Variants in BCAS3 observed in about 807,000 individuals in gnomAD.
BCAS3 encodes BCAS3 microtubule associated cell migration factor, also known as BCAS4/BCAS3 fusion.
Under a neutral mutation model 116.1 loss-of-function variants are expected in BCAS3, and 53 were observed. The ratio of observed to expected loss-of-function variants is 0.46; its 90% CI spans 0.37 to 0.57. BCAS3 has a LOEUF of 0.57. Ranked by LOEUF, BCAS3 falls within the 20% of genes least tolerant of loss-of-function variation. BCAS3 has a pLI of 0.00. For synonymous variants in BCAS3, 391 were observed against 408.2 expected (o/e 0.96, Z 0.51); for missense variants, 917 against 1,165.4 (o/e 0.79, Z 3.10).
At position 61,357,264 on chromosome 17, in the gene BCAS3, A is replaced by AT. The variant is rs1488995564; in HGVS notation, c.2426-11062dup. On this transcript the variant is annotated intron_variant, in intron 22 of 23. Transcript: ENST00000407086. The stretch of plus-strand genomic sequence containing the variant: ...CTACAAAAAATAAATAAATAAATAA[A>AT]TAAATTAATTAATTAAATAAATAAA... 1.4e-4 allele frequency among the ~76,000 whole-genome samples: 8 copies of AT among 58,346 alleles called. No individual in the cohort carries two copies. In the South Asian group the frequency reaches 5.0e-3, roughly 36 times the overall value. The allele number at this position is 58,346 out of a possible 152,430, so 38.3% of individuals were successfully genotyped here. A position where few individuals can be genotyped will look rare whatever the true frequency, so the allele number is the denominator to read the frequency against.
Position 61,388,699 on chromosome 17 carries a change from A to C in BCAS3, c.2594-3278A>C. ...AACAGTAACAAAGCATGCGTTCGGG[A>C]TGGAGGAAGGTAAGGCCACACGTTT... On this transcript the variant is annotated intron_variant, in intron 23 of 23. Coordinates refer to ENST00000407086, the MANE Select transcript of BCAS3 (RefSeq NM_017679.5). The surrounding 1 kb of genome is among the most constrained non-coding windows in gnomAD (Gnocchi z 6.5). 6.5e-7 allele frequency: 1 copy of C among 1,549,574 alleles called. No homozygotes were observed. Among genetic ancestry groups the C allele is most frequent in the Non-Finnish European group, 8.7e-7 (1 of 1,155,580 alleles).
intron 10 of BCAS3, chr17:60,899,917 G>T: frequency 6.6e-6 from 1 of 152,564 alleles, no homozygotes; most frequent in Non-Finnish European, 1.5e-5. Flanking sequence ...TGTGCCTGTA[G>T]TTCCAGCTAC....
chr17:61,117,328 C>T (rs1372458951), intron 22 of BCAS3, among the ~76,000 whole-genome samples: 2 of 152,232 alleles, frequency 1.3e-5, no homozygotes, highest in Non-Finnish European at 2.9e-5. Flanking sequence ...TATGATGGCT[C>T]ACACTTGTAA....
rs888142876 is a variant in BCAS3 at position 61,235,179 on chromosome 17, G to A, written c.2426-133148G>A. Among the ~76,000 whole-genome samples, 9 of 152,208 alleles carry A rather than the reference G, an allele frequency of 5.9e-5. No individual in the cohort carries two copies. Among genetic ancestry groups the A allele is most frequent in the Non-Finnish European group, 1.2e-4 (8 of 68,008 alleles). ...TGGGATTATAGGCGTGAACCACCAC[G>A]CCTGGCTGTCTGCCCCCCGCCTGTC... On this transcript the variant is annotated intron_variant, in intron 22 of 23. Transcript: ENST00000407086. The surrounding 1 kb of genome is among the most constrained non-coding windows in gnomAD (Gnocchi z 5.0).
rs2076917403 is a variant in BCAS3 at position 61,141,557 on chromosome 17, C to T, written c.2425+56993C>T. Among the ~76,000 whole-genome samples, 1 of 150,822 alleles carries T rather than the reference C, an allele frequency of 6.6e-6. No homozygotes were observed. Among genetic ancestry groups the T allele is most frequent in the Non-Finnish European group, 1.5e-5 (1 of 67,692 alleles). ...TGGGCGGCAGAGCGAGACCCTGTCT[C>T]AAAAAATAAAATAAAAGTTGAATCA... is the stretch of plus-strand genomic sequence containing the variant. On this transcript the variant is annotated intron_variant, in intron 22 of 23. Transcript: ENST00000407086. The surrounding 1 kb of genome is among the most constrained non-coding windows in gnomAD (Gnocchi z 4.3).
chr17:60,934,755 T>A (rs565233238), intron 13 of BCAS3, among the ~76,000 whole-genome samples: 3 of 152,214 alleles, frequency 2.0e-5, no homozygotes, highest in Admixed American at 6.5e-5. Context: ...CCCAAAGATA[T>A]ATATTCATTT....
chr17:60,897,674 C>T (rs924462690), intron 10 of BCAS3, among the ~76,000 whole-genome samples: 1 of 151,728 alleles, frequency 6.6e-6, no homozygotes, highest in African/African-American at 2.4e-5. Flanking sequence ...TGAGATTCTC[C>T]CTTTTGCCTG....
intron 19 of BCAS3, among the ~76,000 whole-genome samples, chr17:61,043,439 G>A (rs1183727553): frequency 2.6e-5 from 4 of 151,998 alleles, no homozygotes; most frequent in Non-Finnish European, 5.9e-5. Flanking sequence ...GAATACAGCA[G>A]GTCCTTGAAT....
intron 22 of BCAS3, among the ~76,000 whole-genome samples, chr17:61,331,863 C>G (rs1421308827): frequency 6.6e-6 from 1 of 152,082 alleles, no homozygotes; most frequent in Non-Finnish European, 1.5e-5. Flanking sequence ...GATGACCTGC[C>G]TGAATCCTCA....
chr17:60,771,954 A>G (rs1457209521), intron 6 of BCAS3, among the ~76,000 whole-genome samples: 1 of 152,150 alleles, frequency 6.6e-6, no homozygotes, highest in African/African-American at 2.4e-5. Context: ...CCAGTCTATC[A>G]TTGATGGACA....
chr17:60,911,531 C>T lies in BCAS3; in HGVS notation c.993+829C>T, dbSNP rs142751000. Among the ~76,000 whole-genome samples, 1,089 of 152,292 alleles carry T rather than the reference C, an allele frequency of 7.2e-3. 9 individuals carry two copies. The highest frequency in any genetic ancestry group is 0.024 in the Middle Eastern group (7 of 294). Reference sequence around the variant, plus strand: ...CAGGCTGGTCTCGGACTCCTGACCTCAAGTGATCTGTCCGCCTTGGCCTCC... The same window carrying T: ...CAGGCTGGTCTCGGACTCCTGACCTTAAGTGATCTGTCCGCCTTGGCCTCC... On this transcript the variant is annotated intron_variant, in intron 12 of 23. Coordinates refer to ENST00000407086, the MANE Select transcript of BCAS3 (RefSeq NM_017679.5).
At chr17:61,016,716 G>A (rs1226435567) in intron 16 of BCAS3, among the ~76,000 whole-genome samples, 3 of 152,134 alleles carry the variant, frequency 2.0e-5, no homozygotes, top group Non-Finnish European at 2.9e-5. Context: ...TTACATTTCT[G>A]TATTAAAGTA....
intron 14 of BCAS3, among the ~76,000 whole-genome samples, chr17:60,948,741 C>T (rs2060665312): frequency 6.6e-6 from 1 of 152,168 alleles, no homozygotes; most frequent in South Asian, 2.1e-4. Context: ...AGGCATTACT[C>T]TAGGTTGCTT....
chr17:60,829,950 C>A (rs1479858747), intron 7 of BCAS3, among the ~76,000 whole-genome samples: 3 of 152,040 alleles, frequency 2.0e-5, no homozygotes, highest in Admixed American at 6.6e-5. Flanking sequence ...CTCTTAATTT[C>A]TCTTCCTAGT....
rs2048167566 is a variant in BCAS3, at chr17:61,248,886, C to G, written c.2426-119441C>G. On this transcript the variant is annotated intron_variant, in intron 22 of 23. Transcript: ENST00000407086. The surrounding 1 kb of genome is among the most constrained non-coding windows in gnomAD (Gnocchi z 4.3). ...TAAAGAAGTAGTATACTGTCAAATA[C>G]TTATAAAACTTCCTTCTTCTTTGCT... 6.6e-6 allele frequency among the ~76,000 whole-genome samples: 1 copy of G among 152,174 alleles called. No homozygotes were observed. The highest frequency in any genetic ancestry group is 2.1e-4 in the South Asian group (1 of 4,834).
chr17:60,798,275 A>T lies in BCAS3; in HGVS notation c.404-9729A>T, dbSNP rs145623505. ...TTTCACAAATGTATAGTGAAACAAT[A>T]ATCCACCATTTTAGCATCATACAGA... On this transcript the variant is annotated intron_variant, in intron 6 of 23. Coordinates refer to ENST00000407086, the MANE Select transcript of BCAS3 (RefSeq NM_017679.5). Among the ~76,000 whole-genome samples, 5 of 152,328 alleles carry T rather than the reference A, an allele frequency of 3.3e-5. No homozygotes were observed. In the East Asian group the frequency reaches 9.6e-4, roughly 29 times the overall value.
chr17:60,971,106 A>T (rs2061934052), intron 14 of BCAS3, among the ~76,000 whole-genome samples: 1 of 152,152 alleles, frequency 6.6e-6, no homozygotes, highest in Non-Finnish European at 1.5e-5. Context: ...AGTGAATAGA[A>T]CCTTACCTTG....
chr17:61,046,929 G>A (rs1251947180), intron 19 of BCAS3, among the ~76,000 whole-genome samples: 2 of 151,840 alleles, frequency 1.3e-5, no homozygotes, highest in Non-Finnish European at 2.9e-5. Flanking sequence ...AGAGCAGGAT[G>A]TTTAGCAAGG....
At chr17:60,896,903 A>G (rs1456526633) in intron 10 of BCAS3, among the ~76,000 whole-genome samples, 3 of 151,850 alleles carry the variant, frequency 2.0e-5, no homozygotes, top group African/African-American at 7.3e-5. Flanking sequence ...TTTTGGTTTC[A>G]TTCTTTTTCT....
Sources: allele counts gnomAD v4.1 joint callset (sites outside exome capture counted in the v4.1 genomes callset), GRCh38; gene constraint gnomAD v4.1.1; non-coding constraint Gnocchi (gnomAD v3.1); transcripts MANE v1.5; gene names NCBI Gene and HGNC (gene_info 2026-07-23, HGNC 2026-07-21).